Variants in PGBD5 observed in about 807,000 individuals in gnomAD.
The protein encoded by PGBD5 is piggyBac transposable element-derived protein 5.
PGBD5 carries 14 observed loss-of-function variants against 47.9 expected under a neutral mutation model. That is an observed-to-expected ratio of 0.29 (90% CI 0.19 to 0.46). The LOEUF is 0.46. Among genes scored for constraint, PGBD5 ranks in the 20% least tolerant of loss-of-function variants. The pLI, the probability that PGBD5 is intolerant of heterozygous loss-of-function variation, is 1.00. For synonymous variants in PGBD5, 316 were observed against 306.3 expected (o/e 1.03, Z -0.33); for missense variants, 635 against 716.0 (o/e 0.89, Z 1.29).
intron 3 of PGBD5, among the ~76,000 whole-genome samples, chr1:230,342,495 G>A (rs776012795): frequency 1.1e-4 from 16 of 152,200 alleles, no homozygotes; most frequent in Admixed American, 2.6e-4. Flanking sequence ...CACTGAAGAC[G>A]CAGAATGAGA....
intron 1 of PGBD5, among the ~76,000 whole-genome samples, chr1:230,367,544 C>G (rs2102714602): frequency 6.6e-6 from 1 of 152,148 alleles, no homozygotes; most frequent in South Asian, 2.1e-4. Context: ...TCTACACACA[C>G]ACAAAAAGTC....
chr1:230,405,030 T>C (rs1189237662), intron 1 of PGBD5, among the ~76,000 whole-genome samples: 2 of 144,984 alleles, frequency 1.4e-5, no homozygotes, highest in African/African-American at 5.1e-5. Context: ...CCGTCTCCAC[T>C]AAAAATACAA....
intron 3 of PGBD5, among the ~76,000 whole-genome samples, chr1:230,338,249 C>T (rs774398074): frequency 3.9e-5 from 6 of 152,226 alleles, no homozygotes; most frequent in Non-Finnish European, 7.3e-5. Context: ...CAACAGCATC[C>T]GTTTATGAGC....
In PGBD5 at chr1:230,425,101, G is replaced by C. The variant is rs1262894019; in HGVS notation, c.331+497C>G. Among the ~76,000 whole-genome samples, 1 of 152,120 alleles carries C rather than the reference G, an allele frequency of 6.6e-6. No homozygotes were observed. Among genetic ancestry groups the C allele is most frequent in the Non-Finnish European group, 1.5e-5 (1 of 68,034 alleles). On this transcript the variant is annotated intron_variant, in intron 1 of 6. Transcript: ENST00000391860. This position sits in a 1 kb window ranked among gnomAD's most constrained non-coding sequence, Gnocchi z 4.7. ...GAAAACTAAGCCAAGTCAAGACGCCGCGGGTGGCCTCTCTCTCAACTCTCA... is the reference window on the plus strand; with the variant it reads ...GAAAACTAAGCCAAGTCAAGACGCCCCGGGTGGCCTCTCTCTCAACTCTCA...
Position 230,323,646 on chromosome 1 carries a change from C to T in PGBD5, c.1380-26G>A. On this transcript the variant is annotated intron_variant, in intron 6 of 6. Transcript: ENST00000391860. This position sits in a 1 kb window ranked among gnomAD's most constrained non-coding sequence, Gnocchi z 4.1. The stretch of plus-strand genomic sequence containing the variant: ...CTGAGGACAGAGGGAATAAGAACGG[C>T]TGACCCGATGGTTCATGGCACCCGG... 1 of 1,598,680 alleles carries T rather than the reference C, an allele frequency of 6.3e-7. No individual in the cohort carries two copies. The highest frequency in any genetic ancestry group is 1.1e-5 in the South Asian group (1 of 88,332).
At chr1:230,327,894 T>G (rs1667148155) in intron 5 of PGBD5, among the ~76,000 whole-genome samples, 1 of 152,242 alleles carries the variant, frequency 6.6e-6, no homozygotes, top group Non-Finnish European at 1.5e-5. Flanking sequence ...CGTGCAGGTC[T>G]CCCATCTCCA....
intron 3 of PGBD5, 69 bp from the exon 4 acceptor site, chr1:230,337,357 A>C (rs10864744): frequency 0.47 from 667,485 of 1,411,808 alleles, 162,087 homozygotes; most frequent in Non-Finnish European, 0.49. Flanking sequence ...AGTATTCAGC[A>C]AGCACAGATC....
rs1400914841 is a variant in PGBD5 at position 230,426,096 on chromosome 1, G to A, written c.-168C>T. 3 of 177,374 alleles carry A rather than the reference G, an allele frequency of 1.7e-5. No individual in the cohort carries two copies. Among genetic ancestry groups the A allele is most frequent in the African/African-American group, 2.5e-5 (1 of 40,526 alleles). 11.0% of individuals were successfully genotyped at this position (177,374 alleles called of 1,614,324 possible). On this transcript the variant is annotated 5_prime_UTR_variant, in exon 1 of 7. Coordinates refer to ENST00000391860, the MANE Select transcript of PGBD5 (RefSeq NM_001258311.2). ...CCGTCTTGGCCGCCTCGGGCCCAGCGCCCGGGGAAGCGCCCTCGGAGCTCG... is the reference window on the plus strand; with the variant it reads ...CCGTCTTGGCCGCCTCGGGCCCAGCACCCGGGGAAGCGCCCTCGGAGCTCG...
chr1:230,324,548 T>A (rs2102810062), intron 6 of PGBD5, among the ~76,000 whole-genome samples: 1 of 152,300 alleles, frequency 6.6e-6, no homozygotes, highest in South Asian at 2.1e-4. Flanking sequence ...TTTCCCTCTT[T>A]ATCATGAAAA....
At chr1:230,406,949 C>T (rs1657312268) in intron 1 of PGBD5, among the ~76,000 whole-genome samples, 1 of 152,256 alleles carries the variant, frequency 6.6e-6, no homozygotes, top group Admixed American at 6.5e-5. Context: ...GCAATTCTGC[C>T]TCAGCCTCCT....
chr1:230,328,013 A>G (rs984832328), intron 5 of PGBD5, among the ~76,000 whole-genome samples: 2 of 152,160 alleles, frequency 1.3e-5, no homozygotes, highest in Admixed American at 6.5e-5. Context: ...CCATCCCTAT[A>G]AAGAAATGCA....
chr1:230,355,959 G>A (rs979383527), intron 2 of PGBD5, among the ~76,000 whole-genome samples: 5 of 152,168 alleles, frequency 3.3e-5, no homozygotes, highest in Non-Finnish European at 7.4e-5. Context: ...GGGAAGGCAC[G>A]CTATAGAGAG....
intron 1 of PGBD5, among the ~76,000 whole-genome samples, chr1:230,423,022 TAAAAAAAAA>T (rs5781584): frequency 7.0e-6 from 1 of 142,952 alleles, no homozygotes; most frequent in East Asian, 2.0e-4. Context: ...TCTTTCTGAT[TAAAAAAAAA>T]AAAACCAAAA....
At chr1:230,333,745 C>A (rs1178771108) in intron 4 of PGBD5, among the ~76,000 whole-genome samples, 2 of 152,246 alleles carry the variant, frequency 1.3e-5, no homozygotes, top group Non-Finnish European at 2.9e-5. Flanking sequence ...GGGTGGAGAG[C>A]TTCCTGAGGG....
At chr1:230,356,668 A>C (rs559758595) in intron 2 of PGBD5, among the ~76,000 whole-genome samples, 31 of 152,196 alleles carry the variant, frequency 2.0e-4, no homozygotes, top group Non-Finnish European at 2.5e-4. Flanking sequence ...AGAGCAAAAG[A>C]CTGAATTCTG....
chr1:230,358,276 G>C (rs924429512), intron 1 of PGBD5, among the ~76,000 whole-genome samples: 3 of 152,080 alleles, frequency 2.0e-5, no homozygotes, highest in Non-Finnish European at 4.4e-5. Flanking sequence ...GATCTGAAGA[G>C]AAAAAGACAC....
At chr1:230,355,804 G>A (rs1315331028) in intron 2 of PGBD5, among the ~76,000 whole-genome samples, 8 of 152,184 alleles carry the variant, frequency 5.3e-5, no homozygotes, top group African/African-American at 9.7e-5. Context: ...CAGAAGGCAC[G>A]CTGCAAACAC....
At chr1:230,361,324 A>T (rs1315555502) in intron 1 of PGBD5, among the ~76,000 whole-genome samples, 1 of 152,188 alleles carries the variant, frequency 6.6e-6, no homozygotes, top group Non-Finnish European at 1.5e-5. Flanking sequence ...GGGAAGGAGG[A>T]GGTGGAGGAG....
intron 1 of PGBD5, among the ~76,000 whole-genome samples, chr1:230,380,468 T>C (rs1656427208): frequency 6.6e-6 from 1 of 152,152 alleles, no homozygotes; most frequent in Non-Finnish European, 1.5e-5. Context: ...TGGTCACTTG[T>C]GGTGGAAACT....
Sources: gnomAD v4.1 joint callset for allele counts (sites outside exome capture counted in the v4.1 genomes callset) on GRCh38, gnomAD v4.1.1 for gene constraint, Gnocchi (gnomAD v3.1) non-coding constraint, MANE v1.5 for transcripts, NCBI Gene and HGNC (gene_info 2026-07-23, HGNC 2026-07-21) for gene names.